KHDRBS2: variants seen among roughly 807,000 people sequenced by gnomAD.
KHDRBS2 encodes KH domain-containing, RNA-binding, signal transduction-associated protein 2.
KHDRBS2 carries 26 observed loss-of-function variants against 44.3 expected under a neutral mutation model. The observed-to-expected ratio is 0.59, with a 90% CI of 0.43 to 0.81. The LOEUF (loss-of-function observed/expected upper bound fraction) is 0.81. Ranked by LOEUF, KHDRBS2 falls within the 40% of genes least tolerant of loss-of-function variation. The probability of loss-of-function intolerance (pLI) is 0.00; values close to 1 mark genes in which losing one functional copy is unlikely to be tolerated. For synonymous variants in KHDRBS2, 194 were observed against 151.1 expected, an observed-to-expected ratio of 1.28 and a Z score of -2.08; for missense variants, 476 against 433.1, an observed-to-expected ratio of 1.10 and a Z score of -0.88.
At chr6:62,278,645 TAAG>T (rs1243088249) in intron 1 of KHDRBS2, among the ~76,000 whole-genome samples, 1 of 152,064 alleles carries the variant, frequency 6.6e-6, no homozygotes, top group African/African-American at 2.4e-5. Context: ...CAGATAAACA[TAAG>T]AAGACTTTCT....
chr6:61,670,022 A>G, the KHDRBS2 span, among the ~76,000 whole-genome samples: 3 of 151,360 alleles, frequency 2.0e-5, no homozygotes, highest in Non-Finnish European at 3.0e-5. Context: ...AAATGAAGGA[A>G]AGAAAGACAA....
At chr6:61,569,339 T>G in the KHDRBS2 span, among the ~76,000 whole-genome samples, 1 of 152,256 alleles carries the variant, frequency 6.6e-6, no homozygotes, top group African/African-American at 2.4e-5. Context: ...ATAGACTCTC[T>G]TAGGGGCTTT....
chr6:62,190,790 GA>G (rs763610285), intron 1 of KHDRBS2, among the ~76,000 whole-genome samples: 39 of 152,072 alleles, frequency 2.6e-4, no homozygotes, highest in South Asian at 2.5e-3. Context: ...AACAAAACCA[GA>G]AATCTCAGCC....
chr6:61,820,858 T>C (rs1789789222), intron 6 of KHDRBS2, among the ~76,000 whole-genome samples: 1 of 152,028 alleles, frequency 6.6e-6, no homozygotes, highest in Admixed American at 6.6e-5. Flanking sequence ...ATAAATTGAA[T>C]GGTAGTAAAC....
chr6:61,698,497 G>A (rs1187066578), intron 7 of KHDRBS2, among the ~76,000 whole-genome samples: 4 of 152,092 alleles, frequency 2.6e-5, no homozygotes, highest in Admixed American at 2.0e-4. Flanking sequence ...AAATGAGTAT[G>A]CTATCCTTCT....
At chr6:61,560,492 T>C in the KHDRBS2 span, among the ~76,000 whole-genome samples, 6 of 150,108 alleles carry the variant, frequency 4.0e-5, no homozygotes, top group South Asian at 1.1e-3. Flanking sequence ...CTTCATTCTT[T>C]TTCATTTTTT....
At chr6:61,544,791 G>T in the KHDRBS2 span, among the ~76,000 whole-genome samples, 1 of 152,052 alleles carries the variant, frequency 6.6e-6, no homozygotes, top group African/African-American at 2.4e-5. Flanking sequence ...GGACATGGAT[G>T]AAGCTGGAAA....
intron 6 of KHDRBS2, among the ~76,000 whole-genome samples, chr6:61,808,602 G>C (rs1787559217): frequency 6.6e-6 from 1 of 152,072 alleles, no homozygotes; most frequent in Non-Finnish European, 1.5e-5. Context: ...TCTTTGGAGT[G>C]TGTGCTCATT....
chr6:62,043,869 C>A (rs1389792358), intron 3 of KHDRBS2, among the ~76,000 whole-genome samples: 1 of 151,940 alleles, frequency 6.6e-6, no homozygotes, highest in Admixed American at 6.6e-5. Flanking sequence ...ATTAGATCCA[C>A]AAAAACAAAA....
chr6:62,014,179 G>A (rs1584158360), intron 3 of KHDRBS2, among the ~76,000 whole-genome samples: 5 of 152,152 alleles, frequency 3.3e-5, no homozygotes, highest in Admixed American at 3.3e-4. Flanking sequence ...CTAATTCTTA[G>A]GTGGTATATC....
In KHDRBS2 at chr6:62,068,675, T is replaced by C. The variant is rs547061053; in HGVS notation, c.220-20681A>G. Among the ~76,000 whole-genome samples the C allele has an allele frequency of 9.2e-5, 14 of 151,756 alleles. No homozygotes were observed. In the South Asian group the frequency reaches 2.7e-3, roughly 29 times the overall value. ...TCCATTTTGAGTTAGTTTTGGTGCATGGTGTGAGGTAGTGCTCCAACTTCA... is the reference window on the plus strand; with the variant it reads ...TCCATTTTGAGTTAGTTTTGGTGCACGGTGTGAGGTAGTGCTCCAACTTCA... On this transcript the variant is annotated intron_variant, in intron 2 of 8. Transcript: ENST00000281156.
chr6:62,199,328 T>A (rs1320137370), intron 1 of KHDRBS2, among the ~76,000 whole-genome samples: 2 of 152,144 alleles, frequency 1.3e-5, no homozygotes. Context: ...TGATTGTATA[T>A]CTAGAAAACC....
chr6:61,728,312 G>A (rs1773906670), intron 7 of KHDRBS2, among the ~76,000 whole-genome samples: 2 of 151,892 alleles, frequency 1.3e-5, no homozygotes, highest in African/African-American at 4.8e-5. Context: ...GGGAGGGAGG[G>A]CATCAGGAAG....
At chr6:61,581,674 T>G in the KHDRBS2 span, among the ~76,000 whole-genome samples, 1 of 149,438 alleles carries the variant, frequency 6.7e-6, no homozygotes. Context: ...TATAGTATTA[T>G]AAGGAAAAAT....
In KHDRBS2 at chr6:61,884,466, C is replaced by T. The variant is rs564386337; in HGVS notation, c.810+10169G>A. Among the ~76,000 whole-genome samples, 3 of 152,104 alleles carry T rather than the reference C, an allele frequency of 2.0e-5. No individual in the cohort carries two copies. The East Asian group carries it at 5.8e-4, about 29-fold the overall frequency. Reference sequence around the variant, plus strand: ...TGAAGTAATTTAAAAATAAATTAAACGTATGTCTTTAGAAACTGGAAACTG... The same window carrying T: ...TGAAGTAATTTAAAAATAAATTAAATGTATGTCTTTAGAAACTGGAAACTG... On this transcript the variant is annotated intron_variant, in intron 6 of 8. Transcript: ENST00000281156.
At chr6:62,088,955 G>C (rs1472245672) in intron 2 of KHDRBS2, among the ~76,000 whole-genome samples, 2 of 152,176 alleles carry the variant, frequency 1.3e-5, no homozygotes, top group Admixed American at 6.5e-5. Flanking sequence ...TCTGGCTACA[G>C]TGGATTTGCC....
At chr6:61,955,815 C>CA (rs1306064612) in intron 4 of KHDRBS2, among the ~76,000 whole-genome samples, 2 of 151,948 alleles carry the variant, frequency 1.3e-5, no homozygotes, top group Non-Finnish European at 2.9e-5. Context: ...TCATGTATTT[C>CA]AATGCTCAGA....
At chr6:61,771,002 A>G (rs1258047627) in intron 6 of KHDRBS2, among the ~76,000 whole-genome samples, 4 of 152,244 alleles carry the variant, frequency 2.6e-5, no homozygotes, top group Non-Finnish European at 5.9e-5. Context: ...CAGAAACTCT[A>G]CAAGCCAGAA....
chr6:61,753,854 C>T (rs1052179702), intron 6 of KHDRBS2, among the ~76,000 whole-genome samples: 4 of 152,074 alleles, frequency 2.6e-5, no homozygotes, highest in African/African-American at 9.7e-5. Context: ...AGGAGATTAA[C>T]CTGTACTATC....
Sources: gnomAD v4.1 joint callset for allele counts (sites outside exome capture counted in the v4.1 genomes callset) on GRCh38, gnomAD v4.1.1 for gene constraint, MANE v1.5 for transcripts, NCBI Gene and HGNC (gene_info 2026-07-23, HGNC 2026-07-21) for gene names.